TMEM132B: variants seen among roughly 807,000 people sequenced by gnomAD.
The protein encoded by TMEM132B is transmembrane protein 132B.
In TMEM132B, 18 loss-of-function variants were observed where a neutral mutation model predicts 90.8. The ratio of observed to expected loss-of-function variants is 0.20; its 90% CI spans 0.14 to 0.29. The LOEUF (loss-of-function observed/expected upper bound fraction) is 0.29. Ranked by LOEUF, TMEM132B falls within the 10% of genes least tolerant of loss-of-function variation. TMEM132B has a pLI of 1.00. For missense variants in TMEM132B, 1,096 were observed against 1,326.8 expected, an observed-to-expected ratio of 0.83 and a Z score of 2.70; for synonymous variants, 504 against 523.3, an observed-to-expected ratio of 0.96 and a Z score of 0.50.
chr12:125,210,074 G>A (rs1022600636), intron 1 of TMEM132B, among the ~76,000 whole-genome samples: 2 of 152,194 alleles, frequency 1.3e-5, no homozygotes, highest in East Asian at 1.9e-4. Flanking sequence ...CAGTCAGATC[G>A]GGGAGGCAGA....
At chr12:125,424,714 T>C (rs1475881222) in intron 3 of TMEM132B, among the ~76,000 whole-genome samples, 1 of 152,268 alleles carries the variant, frequency 6.6e-6, no homozygotes, top group Non-Finnish European at 1.5e-5. Flanking sequence ...TGGCTGACGC[T>C]AGTTAAAGCA....
rs1879494339 is a variant in TMEM132B, at chr12:125,406,688, A to G, written c.960-8843A>G. Among the ~76,000 whole-genome samples, 1 of 152,178 alleles carries G rather than the reference A, an allele frequency of 6.6e-6. No homozygotes were observed. The highest frequency in any genetic ancestry group is 2.1e-4 in the South Asian group (1 of 4,830). On this transcript the variant is annotated intron_variant, in intron 2 of 8. Coordinates refer to ENST00000682704, the MANE Select transcript of TMEM132B (RefSeq NM_001366854.1). The surrounding 1 kb of genome is among the most constrained non-coding windows in gnomAD (Gnocchi z 8.3). ...CTTCTCCAACCCCCGCCCATGGCAG[A>G]CAGTGAAAGACTTGACCCACCCACT...
intron 1 of TMEM132B, among the ~76,000 whole-genome samples, chr12:125,229,335 G>T (rs1873761842): frequency 6.6e-6 from 1 of 152,170 alleles, no homozygotes; most frequent in Non-Finnish European, 1.5e-5. Context: ...CTACATTAGA[G>T]CATACTTATA....
intron 5 of TMEM132B, among the ~76,000 whole-genome samples, chr12:125,633,136 A>G (rs1239934190): frequency 2.6e-5 from 4 of 151,940 alleles, no homozygotes; most frequent in South Asian, 2.1e-4. Context: ...TCCTCTGGAG[A>G]TATATTTTCA....
chr12:125,361,493 G>A (rs77132345), intron 2 of TMEM132B, among the ~76,000 whole-genome samples: 6,053 of 152,228 alleles, frequency 0.04, 176 homozygotes, highest in Non-Finnish European at 0.057. Context: ...CAAAAATTCA[G>A]GCTTTACTAG....
At chr12:125,284,584 C>T (rs367755845) in intron 1 of TMEM132B, among the ~76,000 whole-genome samples, 2 of 152,180 alleles carry the variant, frequency 1.3e-5, no homozygotes, top group East Asian at 1.9e-4. Context: ...AGCATTGTCT[C>T]TTTTTAATGA....
At chr12:125,378,865 C>T (rs1167076470) in intron 2 of TMEM132B, among the ~76,000 whole-genome samples, 1 of 152,200 alleles carries the variant, frequency 6.6e-6, no homozygotes, top group Non-Finnish European at 1.5e-5. Flanking sequence ...TCTTTAATGT[C>T]TCTGAGCCTC....
At chr12:125,532,339 A>G (rs1052821466) in intron 4 of TMEM132B, among the ~76,000 whole-genome samples, 4 of 152,206 alleles carry the variant, frequency 2.6e-5, no homozygotes, top group African/African-American at 7.2e-5. Context: ...TATCATTAAT[A>G]TCTATGACCT....
chr12:125,579,952 A>G (rs1231853051), intron 4 of TMEM132B, among the ~76,000 whole-genome samples: 1 of 152,122 alleles, frequency 6.6e-6, no homozygotes, highest in Admixed American at 6.6e-5. Flanking sequence ...TTGTTGTAGT[A>G]GCTGTTGATT....
intron 3 of TMEM132B, among the ~76,000 whole-genome samples, chr12:125,470,601 G>A (rs1360206780): frequency 6.6e-6 from 1 of 152,194 alleles, no homozygotes; most frequent in East Asian, 1.9e-4. Flanking sequence ...TTTATTAGCT[G>A]TATCCCAGTG....
chr12:125,388,808 G>A (rs1389150975), intron 2 of TMEM132B, among the ~76,000 whole-genome samples: 1 of 152,088 alleles, frequency 6.6e-6, no homozygotes, highest in Non-Finnish European at 1.5e-5. Context: ...GCACACATGT[G>A]GATATTGTTT....
chr12:125,230,150 G>A (rs1028621758), intron 1 of TMEM132B, among the ~76,000 whole-genome samples: 14 of 152,218 alleles, frequency 9.2e-5, no homozygotes, highest in African/African-American at 2.7e-4. Context: ...ACAGTCTAAG[G>A]TATTTTGGGA....
intron 4 of TMEM132B, among the ~76,000 whole-genome samples, chr12:125,566,907 G>C (rs981544062): frequency 2.1e-5 from 3 of 141,098 alleles, no homozygotes; most frequent in African/African-American, 8.0e-5. Flanking sequence ...GCAGTGGTGC[G>C]GTCTCAGCTC....
chr12:125,642,108 C>T (rs1274686398), intron 5 of TMEM132B, among the ~76,000 whole-genome samples: 2 of 152,196 alleles, frequency 1.3e-5, no homozygotes, highest in African/African-American at 4.8e-5. Flanking sequence ...ACTGAGCCTT[C>T]ACCTTCTCCT....
At chr12:125,266,184 G>A (rs145610307) in intron 1 of TMEM132B, among the ~76,000 whole-genome samples, 112 of 152,152 alleles carry the variant, frequency 7.4e-4, no homozygotes, top group African/African-American at 2.5e-3. Context: ...AGCTGAGATC[G>A]CGCCACTGCA....
chr12:125,231,622 A>G (rs1229572501), intron 1 of TMEM132B, among the ~76,000 whole-genome samples: 1 of 152,200 alleles, frequency 6.6e-6, no homozygotes. Context: ...CCTAAGAAAT[A>G]TTATGCAGGA....
chr12:125,568,081 A>C (rs534855976), intron 4 of TMEM132B, among the ~76,000 whole-genome samples: 1 of 151,740 alleles, frequency 6.6e-6, no homozygotes, highest in Non-Finnish European at 1.5e-5. Context: ...CCAGCACCCC[A>C]TCTTTCTAAC....
At chr12:125,532,149 C>T (rs1883662722) in intron 4 of TMEM132B, among the ~76,000 whole-genome samples, 4 of 152,196 alleles carry the variant, frequency 2.6e-5, no homozygotes, top group Admixed American at 6.5e-5. Context: ...AGTTGACCTG[C>T]CTCTATTTGG....
intron 4 of TMEM132B, among the ~76,000 whole-genome samples, chr12:125,563,334 C>T (rs1335471848): frequency 1.3e-5 from 2 of 152,112 alleles, no homozygotes; most frequent in Non-Finnish European, 2.9e-5. Context: ...TCTGGCCGGG[C>T]GCGGTGGCTC....
Sources: allele counts gnomAD v4.1 joint callset (sites outside exome capture counted in the v4.1 genomes callset), GRCh38; gene constraint gnomAD v4.1.1; non-coding constraint Gnocchi (gnomAD v3.1); transcripts MANE v1.5; gene names NCBI Gene and HGNC (gene_info 2026-07-23, HGNC 2026-07-21).